Variants in CSGALNACT1 observed in about 807,000 individuals in gnomAD.
CSGALNACT1 encodes the protein chondroitin sulfate N-acetylgalactosaminyltransferase 1, also known as beta4GalNAcT-1.
A neutral mutation model predicts 51.0 loss-of-function variants in CSGALNACT1; 52 were observed. The observed-to-expected ratio is 1.02, with a 90% confidence interval of 0.82 to 1.29. CSGALNACT1 has a LOEUF of 1.29. Ranked by LOEUF, CSGALNACT1 falls within the 50% of genes most tolerant of loss-of-function variation. The pLI is 0.00. For synonymous variants in CSGALNACT1, 341 were observed against 254.4 expected (o/e 1.34, Z -3.24); for missense variants, 935 against 679.2 (o/e 1.38, Z -4.19).
At chr8:19,418,411 A>G (rs1421168351) in intron 8 of CSGALNACT1, among the ~76,000 whole-genome samples, 1 of 152,186 alleles carries the variant, frequency 6.6e-6, no homozygotes, top group Non-Finnish European at 1.5e-5. Context: ...AGTGATGGAA[A>G]CTATGAAGGT....
At chr8:19,592,632 C>G (rs2048071828) in intron 2 of CSGALNACT1, among the ~76,000 whole-genome samples, 1 of 152,262 alleles carries the variant, frequency 6.6e-6, no homozygotes, top group Non-Finnish European at 1.5e-5. Flanking sequence ...TACACACCTG[C>G]TGTCCCAGCT....
intron 1 of CSGALNACT1, chr8:19,641,753 A>T (rs1257470041): frequency 6.6e-6 from 1 of 152,208 alleles, no homozygotes; most frequent in Non-Finnish European, 1.5e-5. Context: ...AGAGGCAGAA[A>T]GTGACTGAAA....
chr8:19,515,475 C>T (rs1165548398), intron 3 of CSGALNACT1, among the ~76,000 whole-genome samples: 1 of 152,206 alleles, frequency 6.6e-6, no homozygotes, highest in Non-Finnish European at 1.5e-5. Flanking sequence ...GATCCTCCAT[C>T]CCCTCAACTC....
chr8:19,452,698 G>A (rs1203668989), intron 5 of CSGALNACT1, among the ~76,000 whole-genome samples: 1 of 152,050 alleles, frequency 6.6e-6, no homozygotes, highest in Non-Finnish European at 1.5e-5. Context: ...GACTCTTTGT[G>A]ATGTCCCAGG....
chr8:19,440,646 G>T (rs1183659321), intron 5 of CSGALNACT1, among the ~76,000 whole-genome samples: 2 of 152,046 alleles, frequency 1.3e-5, no homozygotes, highest in Non-Finnish European at 2.9e-5. Context: ...CATTCCCTTT[G>T]AAAACTGGCA....
At chr8:19,478,306 C>T (rs375741348) in intron 4 of CSGALNACT1, among the ~76,000 whole-genome samples, 11 of 149,514 alleles carry the variant, frequency 7.4e-5, no homozygotes, top group East Asian at 2.0e-4. Context: ...CCCAGCTACT[C>T]GGGAGGCTGA....
intron 2 of CSGALNACT1, among the ~76,000 whole-genome samples, chr8:19,591,460 C>G (rs1286125350): frequency 6.6e-6 from 1 of 152,144 alleles, no homozygotes; most frequent in Non-Finnish European, 1.5e-5. Flanking sequence ...ACTTATAGTC[C>G]TTTTTGGGCG....
chr8:19,591,716 G>A (rs575749097), intron 2 of CSGALNACT1, among the ~76,000 whole-genome samples: 1 of 151,954 alleles, frequency 6.6e-6, no homozygotes, highest in East Asian at 1.9e-4. Context: ...TTAAGCCCAG[G>A]AGTTTCAGAC....
intron 3 of CSGALNACT1, among the ~76,000 whole-genome samples, chr8:19,514,424 A>T (rs2079076203): frequency 6.8e-6 from 1 of 146,182 alleles, no homozygotes; most frequent in Admixed American, 6.9e-5. Flanking sequence ...TCCAAACATT[A>T]ATTAAACAAA....
At chr8:19,579,414 C>T (rs1463140520) in intron 3 of CSGALNACT1, among the ~76,000 whole-genome samples, 1 of 152,222 alleles carries the variant, frequency 6.6e-6, no homozygotes, top group African/African-American at 2.4e-5. Context: ...TCTCAGCCAA[C>T]ACTTCCAAAG....
intron 3 of CSGALNACT1, among the ~76,000 whole-genome samples, chr8:19,508,457 T>G (rs1256166243): frequency 6.6e-6 from 1 of 152,250 alleles, no homozygotes; most frequent in African/African-American, 2.4e-5. Context: ...AAGTGCATGT[T>G]TAGCCCTGGA....
intron 4 of CSGALNACT1, among the ~76,000 whole-genome samples, chr8:19,477,465 A>T (rs2070033824): frequency 6.6e-6 from 1 of 152,230 alleles, no homozygotes; most frequent in Non-Finnish European, 1.5e-5. Flanking sequence ...TCAAGCAAAT[A>T]AACAAAGACC....
upstream of CSGALNACT1, among the ~76,000 whole-genome samples, chr8:19,606,194 T>C (rs1217477224): frequency 2.0e-5 from 3 of 152,214 alleles, no homozygotes; most frequent in African/African-American, 7.2e-5. Flanking sequence ...AGATGAGATA[T>C]GTGTCTGCCA....
chr8:19,634,430 G>C (rs1345987161), intron 1 of CSGALNACT1, among the ~76,000 whole-genome samples: 1 of 151,962 alleles, frequency 6.6e-6, no homozygotes, highest in Non-Finnish European at 1.5e-5. Context: ...GAGAGGCCGA[G>C]GCAAGAGGAT....
chr8:19,617,792 A>T (rs1174722286), intron 1 of CSGALNACT1, among the ~76,000 whole-genome samples: 1 of 152,234 alleles, frequency 6.6e-6, no homozygotes, highest in East Asian at 1.9e-4. Flanking sequence ...GTGCTGATTT[A>T]TGTTAACATG....
chr8:19,735,245 C>T (rs1179624376), intron 1 of CSGALNACT1, among the ~76,000 whole-genome samples: 3 of 152,080 alleles, frequency 2.0e-5, no homozygotes, highest in Non-Finnish European at 4.4e-5. Context: ...ATATATAAGG[C>T]CTCCTTCACA....
At chr8:19,755,456 C>CAAAAAAAAAAAAGAAAAA (rs2065300858) in intron 1 of CSGALNACT1, among the ~76,000 whole-genome samples, 1 of 74,530 alleles carries the variant, frequency 1.3e-5, no homozygotes, top group Non-Finnish European at 2.5e-5. Context: ...TAAAGAAAGA[C>CAAAAAAAAAAAAGAAAAA]AAAAAAAAAA....
intron 1 of CSGALNACT1, among the ~76,000 whole-genome samples, chr8:19,666,985 AAG>A (rs2059347751): frequency 5.9e-5 from 1 of 16,946 alleles, no homozygotes; most frequent in African/African-American, 4.4e-4. Flanking sequence ...GAAAGAAAGA[AAG>A]AAAGAAAGAA....
At chr8:19,712,360 C>T (rs903131606) in intron 1 of CSGALNACT1, among the ~76,000 whole-genome samples, 3 of 152,136 alleles carry the variant, frequency 2.0e-5, no homozygotes, top group Admixed American at 6.5e-5. Context: ...AACTCATGCT[C>T]ATTGTTGTAC....
Sources: gnomAD v4.1 joint callset for allele counts (sites outside exome capture counted in the v4.1 genomes callset) on GRCh38, gnomAD v4.1.1 for gene constraint, MANE v1.5 for transcripts, NCBI Gene and HGNC (gene_info 2026-07-23, HGNC 2026-07-21) for gene names.